The following GRM7 variants were observed in gnomAD, a reference collection of about 807,000 sequenced individuals.
The protein encoded by GRM7 is metabotropic glutamate receptor 7.
A neutral mutation model predicts 84.5 loss-of-function variants in GRM7; 35 were observed. That is an observed-to-expected ratio of 0.41 (90% confidence interval 0.32 to 0.55). GRM7 has a LOEUF of 0.55. Among genes scored for constraint, GRM7 ranks in the 20% least tolerant of loss-of-function variants. The pLI, the probability that GRM7 is intolerant of heterozygous loss-of-function variation, is 0.19. For synonymous variants in GRM7, 487 were observed against 455.1 expected (o/e 1.07, Z -0.89); for missense variants, 1,003 against 1,194.6 (o/e 0.84, Z 2.36).
chr3:7,175,182 AATG>A (rs1257080543), intron 2 of GRM7, among the ~76,000 whole-genome samples: 1 of 152,210 alleles, frequency 6.6e-6, no homozygotes, highest in African/African-American at 2.4e-5. Context: ...CTTGAATGGA[AATG>A]ATAACTTTCC....
Position 7,652,914 on chromosome 3 carries a change from G to A in GRM7, c.2452-27135G>A, listed in dbSNP as rs550489878. ...ATGATCCCATTTCATCCTCACCACA[G>A]GACAATGGAGTTTTTCACATCAGGC... On this transcript the variant is annotated intron_variant, in intron 8 of 9. Transcript: ENST00000357716. 3.2e-4 allele frequency among the ~76,000 whole-genome samples: 48 copies of A among 152,214 alleles called. 1 individual carries two copies. The South Asian group carries it at 1.0e-2, about 32-fold the overall frequency.
intron 7 of GRM7, among the ~76,000 whole-genome samples, chr3:7,484,986 G>A (rs994146471): frequency 3.3e-5 from 5 of 152,134 alleles, no homozygotes; most frequent in Non-Finnish European, 7.3e-5. Context: ...CTTGCCCTAT[G>A]GAGAGATCTG....
At chr3:7,608,836 T>C (rs1164756946) in intron 8 of GRM7, among the ~76,000 whole-genome samples, 2 of 152,328 alleles carry the variant, frequency 1.3e-5, no homozygotes, top group Non-Finnish European at 2.9e-5. Context: ...TCCAGGGTTT[T>C]TATAGTTTGG....
At chr3:6,939,899 C>T (rs548971711) in intron 1 of GRM7, among the ~76,000 whole-genome samples, 1 of 152,112 alleles carries the variant, frequency 6.6e-6, no homozygotes, top group South Asian at 2.1e-4. Context: ...GTTTTCATTT[C>T]ATGATTTACA....
intron 1 of GRM7, among the ~76,000 whole-genome samples, chr3:7,105,602 G>A (rs1359223893): frequency 6.6e-6 from 1 of 151,818 alleles, no homozygotes; most frequent in Non-Finnish European, 1.5e-5. Flanking sequence ...ACTTATTTAA[G>A]AATTGTTGTG....
At chr3:7,031,216 G>C (rs1696170619) in intron 1 of GRM7, among the ~76,000 whole-genome samples, 1 of 151,782 alleles carries the variant, frequency 6.6e-6, no homozygotes, top group Non-Finnish European at 1.5e-5. Context: ...TACTCAGTAT[G>C]TTTGCTGTCT....
intron 1 of GRM7, among the ~76,000 whole-genome samples, chr3:6,918,296 C>T (rs180924684): frequency 2.0e-5 from 3 of 152,232 alleles, no homozygotes; most frequent in Non-Finnish European, 2.9e-5. Flanking sequence ...CATTTTTACA[C>T]GAGAATTTTT....
chr3:7,482,520 G>A (rs953662511), intron 7 of GRM7, among the ~76,000 whole-genome samples: 1 of 152,180 alleles, frequency 6.6e-6, no homozygotes, highest in Non-Finnish European at 1.5e-5. Context: ...GGGAGACAAT[G>A]CCAGGAGGCA....
chr3:6,952,639 A>C (rs991840128), intron 1 of GRM7, among the ~76,000 whole-genome samples: 1 of 152,180 alleles, frequency 6.6e-6, no homozygotes, highest in African/African-American at 2.4e-5. Context: ...CCCATCTCTC[A>C]GGGGAAAACT....
chr3:6,994,082 G>A (rs1038465730), intron 1 of GRM7, among the ~76,000 whole-genome samples: 7 of 152,168 alleles, frequency 4.6e-5, no homozygotes, highest in African/African-American at 1.7e-4. Context: ...ATCATATAAA[G>A]GGATCAGTTC....
chr3:7,705,994 G>T (rs942080339), intron 9 of GRM7, among the ~76,000 whole-genome samples: 7 of 152,144 alleles, frequency 4.6e-5, no homozygotes, highest in Admixed American at 4.6e-4. Flanking sequence ...GAGTACAGAG[G>T]TGGTGGTAGA....
intron 4 of GRM7, among the ~76,000 whole-genome samples, chr3:7,357,424 C>T (rs190671473): frequency 1.6e-4 from 24 of 152,150 alleles, no homozygotes; most frequent in Admixed American, 1.4e-3. Context: ...CACCATAGAA[C>T]TCATTTCCCC....
chr3:7,112,731 T>C (rs979992511), intron 1 of GRM7, among the ~76,000 whole-genome samples: 1 of 152,146 alleles, frequency 6.6e-6, no homozygotes. Context: ...TAGTGGTAAA[T>C]GTATTGATGC....
intron 4 of GRM7, among the ~76,000 whole-genome samples, chr3:7,385,192 GA>G (rs1317380479): frequency 6.7e-6 from 1 of 149,022 alleles, no homozygotes; most frequent in East Asian, 2.0e-4. Context: ...TATAGAATGT[GA>G]CTTATTTCTC....
At chr3:7,042,708 A>G (rs1298834704) in intron 1 of GRM7, among the ~76,000 whole-genome samples, 1 of 151,982 alleles carries the variant, frequency 6.6e-6, no homozygotes, top group African/African-American at 2.4e-5. Flanking sequence ...ATCTCTCCTT[A>G]ACATAGAATT....
chr3:7,493,359 A>G (rs2124953583), intron 7 of GRM7, among the ~76,000 whole-genome samples: 1 of 152,054 alleles, frequency 6.6e-6, no homozygotes, highest in South Asian at 2.1e-4. Context: ...TTTAGTGAAT[A>G]CACATTTAAG....
chr3:7,348,103 G>A (rs1995769), intron 4 of GRM7, among the ~76,000 whole-genome samples: 152,012 of 152,290 alleles, frequency 1, 75,868 homozygotes, highest in Middle Eastern at 1. Context: ...GACTCCTTCC[G>A]TGTCCTTAGC....
intron 4 of GRM7, among the ~76,000 whole-genome samples, chr3:7,330,035 A>C (rs1701140324): frequency 6.6e-6 from 1 of 152,136 alleles, no homozygotes. Context: ...GAAGAAAGGT[A>C]ATTAAACAAC....
At chr3:7,042,794 G>T (rs2124943464) in intron 1 of GRM7, among the ~76,000 whole-genome samples, 1 of 151,988 alleles carries the variant, frequency 6.6e-6, no homozygotes, top group Middle Eastern at 3.4e-3. Context: ...CATTTCAATT[G>T]ATTTATTTTC....
Sources: gnomAD v4.1 joint callset for allele counts (sites outside exome capture counted in the v4.1 genomes callset) on GRCh38, gnomAD v4.1.1 for gene constraint, MANE v1.5 for transcripts, NCBI Gene and HGNC (gene_info 2026-07-23, HGNC 2026-07-21) for gene names.